Variants in RYR3 observed in about 807,000 individuals in gnomAD.
RYR3 encodes the protein brain ryanodine receptor-calcium release channel.
In RYR3, 207 loss-of-function variants were observed where a neutral mutation model predicts 584.3. The observed-to-expected ratio is 0.35, with a 90% CI of 0.32 to 0.40. The LOEUF (loss-of-function observed/expected upper bound fraction) is 0.40. RYR3 is among the 10% of genes least tolerant of loss of function. The pLI is 1.00. For synonymous variants in RYR3, 2,416 were observed against 2,248.5 expected (o/e 1.07, Z -2.11); for missense variants, 5,616 against 6,089.2 (o/e 0.92, Z 2.59).
In RYR3 at chr15:33,693,024, G is replaced by T. The variant is rs1213961835; in HGVS notation, c.5861-3194G>T. The stretch of plus-strand genomic sequence containing the variant: ...ATTATTGCTTTTCCAGTGTGGCAGG[G>T]ACTGGGATAGCATGTATTATATCTG... On this transcript the variant is annotated intron_variant, in intron 38 of 103. Transcript: ENST00000634891. Among the ~76,000 whole-genome samples, 4 of 152,178 alleles carry T rather than the reference G, an allele frequency of 2.6e-5. 1 individual carries two copies. The highest frequency in any genetic ancestry group is 2.6e-4 in the Admixed American group (4 of 15,288).
chr15:33,776,233 CA>C (rs1295765211), intron 64 of RYR3, among the ~76,000 whole-genome samples: 1 of 152,192 alleles, frequency 6.6e-6, no homozygotes, highest in Non-Finnish European at 1.5e-5. Context: ...GTCACTGAAA[CA>C]GAGTACAGAC....
chr15:33,422,553 C>A (rs1003350300), intron 1 of RYR3, among the ~76,000 whole-genome samples: 8 of 152,054 alleles, frequency 5.3e-5, no homozygotes, highest in Admixed American at 2.0e-4. Context: ...GTGGGGAAGG[C>A]TTGATCATGG....
chr15:33,781,846 CAAA>C (rs60586570), intron 65 of RYR3, among the ~76,000 whole-genome samples: 101 of 126,244 alleles, frequency 8.0e-4, no homozygotes, highest in African/African-American at 1.8e-3. Context: ...TTGAAATTAG[CAAA>C]AAAAAAAAAA....
At position 33,311,076 on chromosome 15, in the gene RYR3, G is replaced by A. The variant is rs1967171969; in HGVS notation, c.31G>A (p.Glu11Lys). ...CGAAGGGGGAGAAGGAGGCGAGGAC[G>A]AGATCCAGTTTCTGAGGACTGTGAG... Reference protein sequence around the residue: MAEGGEGGEDEIQFLRTEDEV... With the variant: MAEGGEGGEDKIQFLRTEDEV... The change falls in exon 1 of 104, where the codon GAG becomes AAG. Residue 11 changes from glutamate to lysine, a missense_variant. This residue lies in a region of RYR3 where 1,284 missense variants were observed against 1,344.6 expected (regional missense o/e 0.95). Coordinates refer to ENST00000634891, the MANE Select transcript of RYR3 (RefSeq NM_001036.6). This position sits in a 1 kb window ranked among gnomAD's most constrained non-coding sequence, Gnocchi z 4.4. 1.3e-6 allele frequency: 2 copies of A among 1,583,060 alleles called. No individual in the cohort carries two copies. Among genetic ancestry groups the A allele is most frequent in the Non-Finnish European group, 8.6e-7 (1 of 1,166,698 alleles).
intron 1 of RYR3, among the ~76,000 whole-genome samples, chr15:33,432,399 C>T (rs1460904572): frequency 6.6e-6 from 1 of 151,924 alleles, no homozygotes; most frequent in Non-Finnish European, 1.5e-5. Context: ...CCTGTAGCCT[C>T]ATCTGTTTGG....
intron 64 of RYR3, among the ~76,000 whole-genome samples, chr15:33,776,550 C>G (rs963012252): frequency 6.6e-6 from 1 of 152,180 alleles, no homozygotes; most frequent in Admixed American, 6.5e-5. Context: ...GTCTGGCTCC[C>G]TTTGACCAAT....
intron 8 of RYR3, among the ~76,000 whole-genome samples, chr15:33,544,900 T>C (rs1057226202): frequency 6.6e-6 from 1 of 152,128 alleles, no homozygotes; most frequent in Non-Finnish European, 1.5e-5. Context: ...AGGTCGACCT[T>C]ATTTTCCTTA....
intron 1 of RYR3, among the ~76,000 whole-genome samples, chr15:33,467,277 T>G (rs1049409923): frequency 6.6e-6 from 1 of 152,240 alleles, no homozygotes; most frequent in African/African-American, 2.4e-5. Flanking sequence ...CATGAGCTGC[T>G]CAGTACCAGT....
At chr15:33,790,753 A>C (rs2075105424) in intron 67 of RYR3, among the ~76,000 whole-genome samples, 1 of 152,172 alleles carries the variant, frequency 6.6e-6, no homozygotes, top group Non-Finnish European at 1.5e-5. Context: ...GAGATAAGTA[A>C]AGGATTGAGG....
At position 33,838,574 on chromosome 15, in the gene RYR3, G is replaced by A; in HGVS notation, c.12594G>A (p.Leu4198=). 1 of 1,613,952 alleles carries A rather than the reference G, an allele frequency of 6.2e-7. No homozygotes were observed. Among genetic ancestry groups the A allele is most frequent in the Non-Finnish European group, 8.5e-7 (1 of 1,179,870 alleles). ...FWMLFVGLFQ[L]LFTILGGIFQ... ...TGCTGTTCGTGGGGCTATTCCAGTT[G>A]CTCTTCACCATCCTGGGAGGAATCT... The change falls in exon 89 of 104, where the codon TTG becomes TTA. Residue 4198 remains leucine, a synonymous_variant. Transcript: ENST00000634891.
chr15:33,837,760 C>A lies in RYR3; in HGVS notation c.11780C>A (p.Thr3927Asn). The A allele has an allele frequency of 1.2e-6, 2 of 1,613,836 alleles. No homozygotes were observed. The highest frequency in any genetic ancestry group is 1.7e-6 in the Non-Finnish European group (2 of 1,179,846). The part of the protein sequence containing the change: ...LKLKDLTSSD[T>N]FKEYDPDGKG... ...CTTAAAGACTTAACCAGCTCAGACA[C>A]CTTCAAAGAATATGACCCAGATGGT... The change falls in exon 89 of 104, where the codon ACC (threonine) becomes AAC (asparagine). Residue 3927 changes from threonine to asparagine, a missense_variant. By Grantham distance (65) the Thr-to-Asn change is moderately conservative. Around this residue, in one of 9 missense-constraint regions of RYR3, gnomAD observed 258 missense variants for 297.3 expected, o/e 0.87. Transcript: ENST00000634891.
intron 1 of RYR3, among the ~76,000 whole-genome samples, chr15:33,317,341 C>T (rs1234719116): frequency 3.9e-5 from 6 of 152,120 alleles, no homozygotes; most frequent in African/African-American, 7.2e-5. Context: ...TGGCTGCACC[C>T]GGATGAAGCA....
intron 82 of RYR3, 107 bp from the exon 83 acceptor site, chr15:33,826,145 T>G (rs1356544666): frequency 1.9e-6 from 2 of 1,049,428 alleles, no homozygotes; most frequent in African/African-American, 3.1e-5. Flanking sequence ...AATAAAGCTA[T>G]CATCTAGGAT....
intron 48 of RYR3, among the ~76,000 whole-genome samples, chr15:33,732,630 A>T (rs1236138859): frequency 6.6e-6 from 1 of 152,212 alleles, no homozygotes; most frequent in African/African-American, 2.4e-5. Flanking sequence ...AGCACAGGCC[A>T]AGACTATGAT....
At chr15:33,448,004 C>G (rs533293040) in intron 1 of RYR3, among the ~76,000 whole-genome samples, 3 of 152,084 alleles carry the variant, frequency 2.0e-5, no homozygotes, top group Non-Finnish European at 4.4e-5. Context: ...CTAAAATTAC[C>G]AATGTAAGAG....
intron 45 of RYR3, 36 bp from the exon 46 acceptor site, chr15:33,726,350 C>T (rs918760147): frequency 6.2e-7 from 1 of 1,610,394 alleles, no homozygotes. Flanking sequence ...GTGGGAACCT[C>T]ACTTATCTAA....
chr15:33,565,349 AG>A (rs1214771230), intron 11 of RYR3, among the ~76,000 whole-genome samples: 2 of 152,168 alleles, frequency 1.3e-5, no homozygotes, highest in African/African-American at 2.4e-5. Flanking sequence ...ATTTTCTAAC[AG>A]TTAGTGATTC....
Position 33,810,479 on chromosome 15 carries a change from T to C in RYR3, c.10027T>C (p.Ser3343Pro). ...SKMSKAMQVKSGGQDQERKKT... is the reference protein window; with the variant it reads ...SKMSKAMQVKPGGQDQERKKT... ...TGTTTATTTCAACATCATCTCCTAG[T>C]CTGGAGGACAAGACCAGGAGCGGAA... is the stretch of plus-strand genomic sequence containing the variant. Residue 3343 changes from serine to proline, a missense_variant and splice_region_variant, in exon 71 of 104, where the codon TCT (serine) becomes CCT (proline). Coordinates refer to ENST00000634891, the MANE Select transcript of RYR3 (RefSeq NM_001036.6). 6.2e-7 allele frequency: 1 copy of C among 1,613,976 alleles called. No individual in the cohort carries two copies. The highest frequency in any genetic ancestry group is 8.5e-7 in the Non-Finnish European group (1 of 1,179,866).
chr15:33,773,813 C>T (rs1370936148), intron 64 of RYR3, among the ~76,000 whole-genome samples, 198 bp downstream of exon 64: 6 of 152,206 alleles, frequency 3.9e-5, no homozygotes, highest in African/African-American at 1.4e-4. Context: ...AGATTTATGA[C>T]TCCCGTGGAG....
Sources: allele counts gnomAD v4.1 joint callset (sites outside exome capture counted in the v4.1 genomes callset), GRCh38; gene constraint gnomAD v4.1.1; regional missense constraint gnomAD v4.1.1; non-coding constraint Gnocchi (gnomAD v3.1); transcripts MANE v1.5; gene names NCBI Gene and HGNC (gene_info 2026-07-23, HGNC 2026-07-21).